The following SMAD4 variants were observed in gnomAD, a reference collection of about 807,000 sequenced individuals.
The protein encoded by SMAD4 is MAD homolog 4.
A neutral mutation model predicts 63.2 loss-of-function variants in SMAD4; 7 were observed. The ratio of observed to expected loss-of-function variants is 0.11; its 90% CI spans 0.06 to 0.21. The LOEUF is 0.21. Ranked by LOEUF, SMAD4 falls within the 10% of genes least tolerant of loss-of-function variation. The probability of loss-of-function intolerance (pLI) is 1.00; values close to 1 mark genes in which losing one functional copy is unlikely to be tolerated. For synonymous variants in SMAD4, 215 were observed against 235.4 expected (o/e 0.91, Z 0.79); for missense variants, 312 against 693.8 (o/e 0.45, Z 6.18).
chr18:51,045,677 G>GTA (rs1269136771), intron 1 of SMAD4, among the ~76,000 whole-genome samples: 3 of 152,094 alleles, frequency 2.0e-5, no homozygotes, highest in Non-Finnish European at 4.4e-5. Context: ...ATTTGAAAGT[G>GTA]TACAATTCAG....
At chr18:51,059,963 G>A in intron 8 of SMAD4, 47 bp downstream of exon 8, 1 of 1,450,000 alleles carries the variant, frequency 6.9e-7, no homozygotes, top group South Asian at 1.1e-5. Context: ...TTGATTTAGT[G>A]GTGATTGAAA....
chr18:51,056,575 G>T (rs1431919318), intron 5 of SMAD4, among the ~76,000 whole-genome samples: 1 of 138,554 alleles, frequency 7.2e-6, no homozygotes, highest in Admixed American at 7.9e-5. Flanking sequence ...AGCAGAGAGC[G>T]AGTCACTGCA....
intron 1 of SMAD4, 140 bp from the exon 2 acceptor site, chr18:51,046,779 AT>A (rs1301960048): frequency 9.3e-6 from 4 of 430,078 alleles, no homozygotes; most frequent in African/African-American, 6.1e-5. Flanking sequence ...ATTTTAAGTA[AT>A]TTTCAACTCT....
At position 51,082,649 on chromosome 18, in the gene SMAD4, G is replaced by C. The variant is rs1161231572; in HGVS notation, c.*4182G>C. On this transcript the variant is annotated 3_prime_UTR_variant, in exon 12 of 12. Coordinates refer to ENST00000342988, the MANE Select transcript of SMAD4 (RefSeq NM_005359.6). ...TTTCTTTCTGTGCTTGGCTATCTTTGTGGACTTCAGGGGCTTCTAAAACAG... is the reference window on the plus strand; with the variant it reads ...TTTCTTTCTGTGCTTGGCTATCTTTCTGGACTTCAGGGGCTTCTAAAACAG... 1 of 230,282 alleles carries C rather than the reference G, an allele frequency of 4.3e-6. No homozygotes were observed. The highest frequency in any genetic ancestry group is 2.2e-5 in the African/African-American group (1 of 44,804). 14.3% of individuals were successfully genotyped at this position (230,282 alleles called of 1,614,324 possible). A position where few individuals can be genotyped will look rare whatever the true frequency, so the allele number is the denominator to read the frequency against.
chr18:51,081,184 A>G lies in SMAD4; in HGVS notation c.*2717A>G, dbSNP rs1910604559. 9.0e-6 allele frequency: 2 copies of G among 222,566 alleles called. No homozygotes were observed. Among genetic ancestry groups the G allele is most frequent in the Non-Finnish European group, 9.0e-6 (1 of 111,552 alleles). The allele number at this position is 222,566 out of a possible 1,614,324, so 13.8% of individuals were successfully genotyped here. A position where few individuals can be genotyped will look rare whatever the true frequency, so the allele number is the denominator to read the frequency against. On this transcript the variant is annotated 3_prime_UTR_variant, in exon 12 of 12. Coordinates refer to ENST00000342988, the MANE Select transcript of SMAD4 (RefSeq NM_005359.6). The stretch of plus-strand genomic sequence containing the variant: ...AAAATTTTATGTCTACTTTAAGGGT[A>G]AAATTATGAGGTTATGGTTCTGGGT...
At chr18:51,048,448 A>G (rs1283964902) in intron 2 of SMAD4, among the ~76,000 whole-genome samples, 1 of 152,204 alleles carries the variant, frequency 6.6e-6, no homozygotes, top group Non-Finnish European at 1.5e-5. Flanking sequence ...GTGAGCCACC[A>G]TGCCCAGTCA....
rs1910572409 is a variant in SMAD4, at chr18:51,080,047, G to A, written c.*1580G>A. 1 of 231,764 alleles carries A rather than the reference G, an allele frequency of 4.3e-6. No individual in the cohort carries two copies. Among genetic ancestry groups the A allele is most frequent in the South Asian group, 1.8e-4 (1 of 5,508 alleles). 14.4% of individuals were successfully genotyped at this position (231,764 alleles called of 1,614,324 possible). ...AAGATGATAAATAGATTGTCTACAGGATAAATAGTATGAAATAAAATCAAG... is the reference window on the plus strand; with the variant it reads ...AAGATGATAAATAGATTGTCTACAGAATAAATAGTATGAAATAAAATCAAG... On this transcript the variant is annotated 3_prime_UTR_variant, in exon 12 of 12. Coordinates refer to ENST00000342988, the MANE Select transcript of SMAD4 (RefSeq NM_005359.6).
At chr18:51,074,019 T>C (rs1042679921) in intron 10 of SMAD4, among the ~76,000 whole-genome samples, 3 of 151,860 alleles carry the variant, frequency 2.0e-5, no homozygotes, top group Non-Finnish European at 4.4e-5. Context: ...AGGACTGTTA[T>C]CCAAAATTAC....
rs143406501 is a variant in SMAD4 at position 51,039,117 on chromosome 18, T to A, written c.-127-7803T>A. On this transcript the variant is annotated intron_variant, in intron 1 of 11. Transcript: ENST00000342988. ...CTGAGACTATGTCTCAGAAAAAGAATATGAATAAAGGGATCCTGAGATCAG... is the reference window on the plus strand; with the variant it reads ...CTGAGACTATGTCTCAGAAAAAGAAAATGAATAAAGGGATCCTGAGATCAG... Among the ~76,000 whole-genome samples the A allele has an allele frequency of 1.7e-3, 266 of 152,246 alleles. 1 individual carries two copies. Among genetic ancestry groups the A allele is most frequent in the African/African-American group, 6.1e-3 (252 of 41,548 alleles).
rs1472770123 is a variant in SMAD4, at chr18:51,030,284, A to T, written c.-467A>T. 6.6e-6 allele frequency: 1 copy of T among 152,540 alleles called. No homozygotes were observed. The highest frequency in any genetic ancestry group is 2.4e-5 in the African/African-American group (1 of 41,326). 9.4% of individuals were successfully genotyped at this position (152,540 alleles called of 1,614,324 possible). A position where few individuals can be genotyped will look rare whatever the true frequency, so the allele number is the denominator to read the frequency against. On this transcript the variant is annotated 5_prime_UTR_variant, in exon 1 of 12. Coordinates refer to ENST00000342988, the MANE Select transcript of SMAD4 (RefSeq NM_005359.6). ...GTCGTCGTCGCCGCTGCGGTAACGG[A>T]GCGGTTTGGGTGGCGGAGCCTGCGT... is the stretch of plus-strand genomic sequence containing the variant.
intron 5 of SMAD4, among the ~76,000 whole-genome samples, chr18:51,056,007 A>G (rs574678126): frequency 1.3e-5 from 2 of 152,292 alleles, no homozygotes; most frequent in East Asian, 3.9e-4. Flanking sequence ...CTTCAAAGCA[A>G]CATGTTTTTG....
chr18:51,076,817 G>A (rs767670657), intron 11 of SMAD4, 41 bp downstream of exon 11: 35 of 1,451,024 alleles, frequency 2.4e-5, no homozygotes, highest in Non-Finnish European at 3.3e-5. Flanking sequence ...TATAATAGTT[G>A]ATATTTTTAT....
In SMAD4 at chr18:51,083,992, GCGCGTGCGCA is replaced by G. The variant is rs1222015388; in HGVS notation, c.*5530_*5539del. The G allele has an allele frequency of 1.0e-4, 17 of 163,730 alleles. No individual in the cohort carries two copies. The South Asian group carries it at 3.2e-3, about 31-fold the overall frequency. The allele number at this position is 163,730 out of a possible 1,614,324, so 10.1% of individuals were successfully genotyped here. ...TTAGGGGCTGCAATAAACACTTAACGCGCGTGCGCACGCGCGCGCGCACACACACACACAC... is the reference window on the plus strand; with the variant it reads ...TTAGGGGCTGCAATAAACACTTAACGCGCGCGCGCGCACACACACACACAC... On this transcript the variant is annotated 3_prime_UTR_variant, in exon 12 of 12. Transcript: ENST00000342988.
intron 1 of SMAD4, among the ~76,000 whole-genome samples, chr18:51,042,475 C>G (rs1909416580): frequency 1.3e-5 from 2 of 150,938 alleles, no homozygotes; most frequent in South Asian, 4.2e-4. Flanking sequence ...AGGCTCAAGC[C>G]GTCCTCCCAC....
rs1568206043 is a variant in SMAD4, at chr18:51,058,145, G to A, written c.688G>A (p.Gly230Arg). The change falls in exon 6 of 12, where the codon GGG (glycine) becomes AGG (arginine). Residue 230 changes from glycine to arginine, a missense_variant. By Grantham distance (125) the Gly-to-Arg change is moderately radical. Transcript: ENST00000342988. ...TCTAGGTCAGCCTGCCAGTATACTG[G>A]GGGGCAGCCATAGTGAAGGACTGTT... ...ASTSQPASIL[G>R]GSHSEGLLQI... is the part of the protein sequence containing the mutation. 6.2e-7 allele frequency: 1 copy of A among 1,614,084 alleles called. No homozygotes were observed. The highest frequency in any genetic ancestry group is 8.5e-7 in the Non-Finnish European group (1 of 1,179,972).
chr18:51,072,951 A>G (rs1910355848), intron 10 of SMAD4, among the ~76,000 whole-genome samples: 1 of 152,198 alleles, frequency 6.6e-6, no homozygotes. Context: ...TCCGTTATCA[A>G]TGGATTAGTT....
intron 1 of SMAD4, among the ~76,000 whole-genome samples, chr18:51,037,171 G>A (rs777617975): frequency 1.2e-4 from 19 of 152,090 alleles, no homozygotes; most frequent in Non-Finnish European, 2.2e-4. Flanking sequence ...CTGACAGAGC[G>A]AGACTGTCTC....
chr18:51,076,062 A>G (rs1217652439), intron 10 of SMAD4, among the ~76,000 whole-genome samples: 3 of 152,212 alleles, frequency 2.0e-5, no homozygotes, highest in Non-Finnish European at 4.4e-5. Flanking sequence ...TTACAATTTT[A>G]TATTTGTTTG....
intron 1 of SMAD4, among the ~76,000 whole-genome samples, chr18:51,034,201 T>TCTCC (rs758269238): frequency 3.3e-5 from 5 of 151,792 alleles, no homozygotes; most frequent in African/African-American, 7.3e-5. Context: ...TTCTCTCCTG[T>TCTCC]CTCCCTCCCT....
Sources: gnomAD v4.1 joint callset for allele counts (sites outside exome capture counted in the v4.1 genomes callset) on GRCh38, gnomAD v4.1.1 for gene constraint, MANE v1.5 for transcripts, NCBI Gene and HGNC (gene_info 2026-07-23, HGNC 2026-07-21) for gene names.